Variants in KCNC2 observed in about 807,000 individuals in gnomAD.
KCNC2 encodes potassium voltage-gated channel subfamily C member 2, also known as voltage-gated potassium channel KCNC2.
Under a neutral mutation model 44.5 loss-of-function variants are expected in KCNC2, and 21 were observed. The ratio of observed to expected loss-of-function variants is 0.47; its 90% CI spans 0.33 to 0.68. The LOEUF (loss-of-function observed/expected upper bound fraction) is 0.68. Ranked by LOEUF, KCNC2 falls within the 30% of genes least tolerant of loss-of-function variation. KCNC2 has a pLI of 0.01. For synonymous variants in KCNC2, 391 were observed against 339.1 expected (o/e 1.15, Z -1.68); for missense variants, 589 against 826.2 (o/e 0.71, Z 3.52).
chr12:75,200,699 A>T (rs182700709), intron 2 of KCNC2, among the ~76,000 whole-genome samples: 13 of 149,256 alleles, frequency 8.7e-5, no homozygotes, highest in Admixed American at 6.6e-4. Flanking sequence ...CATTCATTTT[A>T]AAATAATCTT....
chr12:75,094,115 T>C (rs1303179676), intron 2 of KCNC2, among the ~76,000 whole-genome samples: 1 of 151,732 alleles, frequency 6.6e-6, no homozygotes, highest in Non-Finnish European at 1.5e-5. Flanking sequence ...TAGATACTGG[T>C]TCACCATTTT....
chr12:75,100,282 T>C (rs1290796347), intron 2 of KCNC2, among the ~76,000 whole-genome samples: 1 of 152,102 alleles, frequency 6.6e-6, no homozygotes, highest in Non-Finnish European at 1.5e-5. Context: ...ATTCTTCCCT[T>C]ATTTATAGAT....
rs181944520 is a variant in KCNC2 at position 75,081,720 on chromosome 12, C to T, written c.688-30403G>A. Reference sequence around the variant, plus strand: ...AATTTGAAAATAGAAGAAAAATATACTAACTTTTTGTACCTCAGAAAAAAA... The same window carrying T: ...AATTTGAAAATAGAAGAAAAATATATTAACTTTTTGTACCTCAGAAAAAAA... On this transcript the variant is annotated intron_variant, in intron 2 of 4. Transcript: ENST00000549446. Among the ~76,000 whole-genome samples the T allele has an allele frequency of 4.6e-5, 7 of 152,042 alleles. No homozygotes were observed. In the East Asian group the frequency reaches 1.4e-3, roughly 29 times the overall value.
intron 2 of KCNC2, among the ~76,000 whole-genome samples, chr12:75,180,005 A>G (rs1007605998): frequency 3.3e-5 from 5 of 151,840 alleles, no homozygotes; most frequent in African/African-American, 1.2e-4. Context: ...AGAAAATTAC[A>G]TAAAGCCATA....
At chr12:75,122,669 A>G (rs1454402251) in intron 2 of KCNC2, among the ~76,000 whole-genome samples, 1 of 152,202 alleles carries the variant, frequency 6.6e-6, no homozygotes, top group Non-Finnish European at 1.5e-5. Context: ...GACTATTACA[A>G]TTAAAAGACA....
chr12:75,084,429 CA>C lies in KCNC2; in HGVS notation c.688-33113del, dbSNP rs199589937. 1.7e-3 allele frequency among the ~76,000 whole-genome samples: 256 copies of C among 151,940 alleles called. 6 individuals carry two copies. In the East Asian group the frequency reaches 0.038, roughly 23 times the overall value. On this transcript the variant is annotated intron_variant, in intron 2 of 4. Transcript: ENST00000549446. ...AATTCCCACGTGTTGCAGGAGGGACCAGGGGGAGGTAATTGAATCATGGGGG... is the reference window on the plus strand; with the variant it reads ...AATTCCCACGTGTTGCAGGAGGGACCGGGGGAGGTAATTGAATCATGGGGG...
chr12:75,207,169 T>C lies in KCNC2; in HGVS notation c.687+128A>G. ...CCTGCAAAGGATGAGCCTCTAACTG[T>C]ATCGCTAGGAAATCCCGGGTCTCTT... On this transcript the variant is annotated intron_variant, in intron 2 of 4. Coordinates refer to ENST00000549446, the MANE Select transcript of KCNC2 (RefSeq NM_139137.4). The surrounding 1 kb of genome is among the most constrained non-coding windows in gnomAD (Gnocchi z 4.1). 2.1e-6 allele frequency: 3 copies of C among 1,437,096 alleles called. No individual in the cohort carries two copies. The South Asian group carries it at 4.6e-5, about 22-fold the overall frequency. The allele number at this position is 1,437,096 out of a possible 1,614,324, so 89.0% of individuals were successfully genotyped here. A position where few individuals can be genotyped will look rare whatever the true frequency, so the allele number is the denominator to read the frequency against.
intron 2 of KCNC2, among the ~76,000 whole-genome samples, chr12:75,107,055 A>C (rs2137212411): frequency 6.6e-6 from 1 of 152,212 alleles, no homozygotes; most frequent in East Asian, 1.9e-4. Context: ...CTGTAATCCC[A>C]GCACTTTGGG....
intron 2 of KCNC2, among the ~76,000 whole-genome samples, chr12:75,061,957 T>A (rs1882386011): frequency 6.6e-6 from 1 of 152,058 alleles, no homozygotes; most frequent in Non-Finnish European, 1.5e-5. Flanking sequence ...AAATTAGGAA[T>A]AGCTTTAAGA....
chr12:75,142,996 T>G (rs77183788), intron 2 of KCNC2, among the ~76,000 whole-genome samples: 4,676 of 152,234 alleles, frequency 0.031, 101 homozygotes, highest in East Asian at 0.061. Flanking sequence ...ATTAATAATT[T>G]TAGGCCCATT....
At chr12:75,060,618 A>C (rs1307121456) in intron 2 of KCNC2, among the ~76,000 whole-genome samples, 1 of 151,818 alleles carries the variant, frequency 6.6e-6, no homozygotes, top group Non-Finnish European at 1.5e-5. Flanking sequence ...TGCATGTGCC[A>C]CCACACCTGG....
chr12:75,185,008 A>G (rs1892838925), intron 2 of KCNC2, among the ~76,000 whole-genome samples: 1 of 152,204 alleles, frequency 6.6e-6, no homozygotes, highest in African/African-American at 2.4e-5. Flanking sequence ...ATCTGAAGGG[A>G]GCAGAAGCAT....
At chr12:75,134,746 AGAGT>A (rs1399698384) in intron 2 of KCNC2, among the ~76,000 whole-genome samples, 2 of 151,960 alleles carry the variant, frequency 1.3e-5, no homozygotes, top group East Asian at 1.9e-4. Context: ...AATTATACTT[AGAGT>A]AAGTATCTTA....
intron 2 of KCNC2, among the ~76,000 whole-genome samples, chr12:75,146,111 C>G (rs949765764): frequency 2.6e-5 from 4 of 151,912 alleles, no homozygotes; most frequent in Non-Finnish European, 5.9e-5. Flanking sequence ...CCCACCACCA[C>G]GCCCGGCTAA....
At chr12:75,044,924 G>C (rs954840460) in intron 4 of KCNC2, 9 of 151,992 alleles carry the variant, frequency 5.9e-5, no homozygotes, top group African/African-American at 1.9e-4. Context: ...TGATGGAATA[G>C]TGGGAGGATA....
At chr12:75,182,018 C>T (rs574811764) in intron 2 of KCNC2, among the ~76,000 whole-genome samples, 23 of 136,252 alleles carry the variant, frequency 1.7e-4, no homozygotes, top group Admixed American at 1.1e-3. Context: ...ATGATCTGCC[C>T]GCCTCAGCCA....
chr12:75,078,873 T>C (rs73185184), intron 2 of KCNC2, among the ~76,000 whole-genome samples: 257 of 152,308 alleles, frequency 1.7e-3, no homozygotes, highest in South Asian at 4.3e-3. Flanking sequence ...GACATCAAAT[T>C]AACTAACTTG....
rs557762213 is a variant in KCNC2 at position 75,042,456 on chromosome 12, T to A, written c.*649A>T. The stretch of plus-strand genomic sequence containing the variant: ...GTAAATCAATCAAGAAATTAAACTA[T>A]TTAAAACATATATTTCTTTCAAATA... On this transcript the variant is annotated 3_prime_UTR_variant, in exon 5 of 5. Coordinates refer to ENST00000549446, the MANE Select transcript of KCNC2 (RefSeq NM_139137.4). 6.5e-7 allele frequency: 1 copy of A among 1,536,328 alleles called. No homozygotes were observed. Among genetic ancestry groups the A allele is most frequent in the African/African-American group, 1.4e-5 (1 of 70,790 alleles).
intron 2 of KCNC2, among the ~76,000 whole-genome samples, chr12:75,112,480 C>A (rs1887330819): frequency 6.6e-6 from 1 of 151,974 alleles, no homozygotes; most frequent in African/African-American, 2.4e-5. Flanking sequence ...TCTAGTCACT[C>A]CATTTTTATT....
Sources: allele counts gnomAD v4.1 joint callset (sites outside exome capture counted in the v4.1 genomes callset), GRCh38; gene constraint gnomAD v4.1.1; non-coding constraint Gnocchi (gnomAD v3.1); transcripts MANE v1.5; gene names NCBI Gene and HGNC (gene_info 2026-07-23, HGNC 2026-07-21).